Variants in ECE1 observed in about 807,000 individuals in gnomAD.
ECE1 encodes endothelin converting enzyme 1.
ECE1 carries 35 observed loss-of-function variants against 98.6 expected under a neutral mutation model. The ratio of observed to expected loss-of-function variants is 0.35; its 90% confidence interval spans 0.27 to 0.47. ECE1 has a LOEUF of 0.47. Among genes scored for constraint, ECE1 ranks in the 20% least tolerant of loss-of-function variants. The pLI is 1.00. For missense variants in ECE1, 814 were observed against 1,025.3 expected (o/e 0.79, Z 2.81); for synonymous variants, 394 against 407.1 (o/e 0.97, Z 0.39).
At position 21,260,146 on chromosome 1, in the gene ECE1, T is replaced by C; in HGVS notation, c.615+125A>G. 2 of 1,417,852 alleles carry C rather than the reference T, an allele frequency of 1.4e-6. No individual in the cohort carries two copies. Among genetic ancestry groups the C allele is most frequent in the Non-Finnish European group, 2.0e-6 (2 of 1,007,246 alleles). 87.8% of individuals were successfully genotyped at this position (1,417,852 alleles called of 1,614,324 possible). The stretch of plus-strand genomic sequence containing the variant: ...ACACTCGCTCTCTCTCTTTCTGTCT[T>C]TCTCTTGGTGCTACCGGCTGGACGT... On this transcript the variant is annotated intron_variant, in intron 5 of 18. Coordinates refer to ENST00000374893, the MANE Select transcript of ECE1 (RefSeq NM_001397.3). This position sits in a 1 kb window ranked among gnomAD's most constrained non-coding sequence, Gnocchi z 4.3.
intron 1 of ECE1, among the ~76,000 whole-genome samples, chr1:21,321,378 G>C (rs1008814542): frequency 3.3e-5 from 5 of 152,198 alleles, no homozygotes; most frequent in African/African-American, 9.7e-5. Flanking sequence ...AACATAAGAG[G>C]AATTCTCCAC....
Position 21,260,237 on chromosome 1 carries a change from C to T in ECE1, c.615+34G>A, listed in dbSNP as rs761289670. 5.0e-6 allele frequency: 8 copies of T among 1,612,384 alleles called. No homozygotes were observed. The highest frequency in any genetic ancestry group is 1.7e-5 in the Admixed American group (1 of 59,942). On this transcript the variant is annotated intron_variant, in intron 5 of 18. Transcript: ENST00000374893. This position sits in a 1 kb window ranked among gnomAD's most constrained non-coding sequence, Gnocchi z 4.3. ...CAGGGGGCGGGCAGGTGGCATGGGC[C>T]GGGGCTTGGGGAGGGAGAGCCCGAG...
chr1:21,293,209 A>T (rs937480640), upstream of ECE1: 5 of 152,132 alleles, frequency 3.3e-5, no homozygotes, highest in African/African-American at 1.2e-4. Context: ...TAACTCGCCC[A>T]GGTGTGGTTA....
intron 4 of ECE1, among the ~76,000 whole-genome samples, chr1:21,271,785 T>C (rs1332938402): frequency 6.6e-6 from 1 of 152,102 alleles, no homozygotes; most frequent in Non-Finnish European, 1.5e-5. Flanking sequence ...AGGGGTGAAC[T>C]AGAGGTGCCC....
At chr1:21,315,324 G>T (rs2103394961) in intron 1 of ECE1, among the ~76,000 whole-genome samples, 1 of 152,310 alleles carries the variant, frequency 6.6e-6, no homozygotes, top group African/African-American at 2.4e-5. Flanking sequence ...GCCTACTGGG[G>T]TCCCAACCTT....
intron 1 of ECE1, among the ~76,000 whole-genome samples, chr1:21,313,256 C>T (rs933758803): frequency 6.6e-5 from 10 of 152,202 alleles, no homozygotes; most frequent in Admixed American, 2.0e-4. Flanking sequence ...GGCGTTGCCT[C>T]GGTGACCAGG....
chr1:21,260,246 G>C lies in ECE1; in HGVS notation c.615+25C>G. 1.9e-6 allele frequency: 3 copies of C among 1,614,238 alleles called. No homozygotes were observed. Among genetic ancestry groups the C allele is most frequent in the Non-Finnish European group, 2.5e-6 (3 of 1,180,046 alleles). On this transcript the variant is annotated intron_variant, in intron 5 of 18. Coordinates refer to ENST00000374893, the MANE Select transcript of ECE1 (RefSeq NM_001397.3). The surrounding 1 kb of genome is among the most constrained non-coding windows in gnomAD (Gnocchi z 4.3). ...GGCAGGTGGCATGGGCCGGGGCTTG[G>C]GGAGGGAGAGCCCGAGGCACTCACC...
chr1:21,286,932 A>G (rs1369867391), intron 2 of ECE1, among the ~76,000 whole-genome samples: 1 of 151,690 alleles, frequency 6.6e-6, no homozygotes, highest in African/African-American at 2.4e-5. Context: ...AAGAAAAAAA[A>G]AAAAGAAAAA....
intron 1 of ECE1, among the ~76,000 whole-genome samples, chr1:21,296,171 T>C (rs1199582823): frequency 2.0e-5 from 3 of 152,180 alleles, no homozygotes; most frequent in Middle Eastern, 3.4e-3. Flanking sequence ...GCCCAGGTGA[T>C]GGAGGTTAAT....
intron 1 of ECE1, among the ~76,000 whole-genome samples, chr1:21,297,364 G>C (rs1052103036): frequency 6.6e-6 from 1 of 152,024 alleles, no homozygotes; most frequent in South Asian, 2.1e-4. Flanking sequence ...CCACTTGCCT[G>C]GCAACCTCCA....
Position 21,258,948 on chromosome 1 carries a change from C to T in ECE1, c.616-109G>A, listed in dbSNP as rs770221740. 354 of 1,433,422 alleles carry T rather than the reference C, an allele frequency of 2.5e-4. No individual in the cohort carries two copies. Among genetic ancestry groups the T allele is most frequent in the Non-Finnish European group, 3.3e-4 (347 of 1,050,704 alleles). 88.8% of individuals were successfully genotyped at this position (1,433,422 alleles called of 1,614,324 possible). A position where few individuals can be genotyped will look rare whatever the true frequency, so the allele number is the denominator to read the frequency against. On this transcript the variant is annotated intron_variant, in intron 5 of 18. Transcript: ENST00000374893. This position sits in a 1 kb window ranked among gnomAD's most constrained non-coding sequence, Gnocchi z 4.2. ...CTGTGACCCTGGAGCAGTCGCCTGA[C>T]CTCTCTGAGCCTCAAGAGCAAAGGA... is the stretch of plus-strand genomic sequence containing the variant.
At chr1:21,289,421 G>C (rs1356352817) in intron 2 of ECE1, among the ~76,000 whole-genome samples, 1 of 152,182 alleles carries the variant, frequency 6.6e-6, no homozygotes, top group African/African-American at 2.4e-5. Context: ...GGCAGGGACG[G>C]GGGTGGGGCC....
chr1:21,226,131 G>T (rs913643665), intron 16 of ECE1, among the ~76,000 whole-genome samples: 2 of 152,198 alleles, frequency 1.3e-5, no homozygotes, highest in Non-Finnish European at 2.9e-5. Context: ...CCGCCCGGGA[G>T]TGCCCAAGGA....
At chr1:21,309,381 G>A (rs1638667720) in intron 1 of ECE1, among the ~76,000 whole-genome samples, 1 of 152,220 alleles carries the variant, frequency 6.6e-6, no homozygotes, top group Non-Finnish European at 1.5e-5. Flanking sequence ...CTGTAAAGTG[G>A]TGAATCACAG....
Position 21,217,390 on chromosome 1 carries a change from G to C in ECE1, c.*2565C>G, listed in dbSNP as rs1443751776. ...GAGAAGCCAGCCCTATGGCTCCCCA[G>C]GCCTAAGGGGAGGGGTCTCACTTCA... is the stretch of plus-strand genomic sequence containing the variant. On this transcript the variant is annotated 3_prime_UTR_variant, in exon 19 of 19. Transcript: ENST00000374893. 2 of 152,256 alleles carry C rather than the reference G, an allele frequency of 1.3e-5. No homozygotes were observed. The highest frequency in any genetic ancestry group is 4.1e-4 in the South Asian group (2 of 4,822). 9.4% of individuals were successfully genotyped at this position (152,256 alleles called of 1,614,324 possible). A position where few individuals can be genotyped will look rare whatever the true frequency, so the allele number is the denominator to read the frequency against.
intron 1 of ECE1, among the ~76,000 whole-genome samples, chr1:21,315,371 G>T (rs1408298988): frequency 6.6e-6 from 1 of 152,234 alleles, no homozygotes; most frequent in Non-Finnish European, 1.5e-5. Flanking sequence ...GAGATGAGCT[G>T]TCACTCAGCC....
At chr1:21,338,416 G>A (rs74482429) in intron 1 of ECE1, among the ~76,000 whole-genome samples, 8,341 of 152,280 alleles carry the variant, frequency 0.055, 745 homozygotes, top group African/African-American at 0.19. Context: ...ATCCTCACCA[G>A]CAAACAAAAT....
intron 11 of ECE1, among the ~76,000 whole-genome samples, chr1:21,237,208 G>C (rs966852008): frequency 3.9e-5 from 6 of 152,128 alleles, no homozygotes; most frequent in Non-Finnish European, 1.5e-5. Flanking sequence ...TGCCTTATTG[G>C]ACCACAGCAT....
intron 1 of ECE1, among the ~76,000 whole-genome samples, chr1:21,295,598 T>A (rs1217175821): frequency 1.3e-5 from 2 of 152,250 alleles, no homozygotes; most frequent in African/African-American, 4.8e-5. Context: ...TATCTCTTTT[T>A]TCTTTGGCTG....
Sources: allele counts gnomAD v4.1 joint callset (sites outside exome capture counted in the v4.1 genomes callset), GRCh38; gene constraint gnomAD v4.1.1; non-coding constraint Gnocchi (gnomAD v3.1); transcripts MANE v1.5; gene names NCBI Gene and HGNC (gene_info 2026-07-23, HGNC 2026-07-21).